Variants in KLRG1 observed in about 807,000 individuals in gnomAD.
KLRG1 encodes killer cell lectin like receptor G1, also known as killer cell lectin-like receptor subfamily G member 1.
In KLRG1, 16 loss-of-function variants were observed where a neutral mutation model predicts 21.8. The ratio of observed to expected loss-of-function variants is 0.73; its 90% CI spans 0.50 to 1.11. KLRG1 has a LOEUF of 1.11. KLRG1 is among the 50% of genes most tolerant of loss of function. The pLI is 0.00. For missense variants in KLRG1, 173 were observed against 218.3 expected (o/e 0.79, Z 1.31); for synonymous variants, 69 against 75.9 (o/e 0.91, Z 0.47).
intron 1 of KLRG1, among the ~76,000 whole-genome samples, chr12:8,962,539 C>G (rs1050030812): frequency 2.0e-5 from 3 of 151,652 alleles, no homozygotes; most frequent in African/African-American, 7.3e-5. Flanking sequence ...CATGGCAAAA[C>G]CCCATCTCTA....
chr12:9,074,674 G>A, the KLRG1 span: 17 of 1,613,902 alleles, frequency 1.1e-5, no homozygotes, highest in Middle Eastern at 1.6e-4. Flanking sequence ...TGAGATAAGC[G>A]AGGAGCACAT....
intron 1 of KLRG1, among the ~76,000 whole-genome samples, chr12:8,957,832 C>G (rs777262185): frequency 1.3e-5 from 2 of 152,236 alleles, no homozygotes; most frequent in African/African-American, 4.8e-5. Flanking sequence ...TCACAGTACT[C>G]AGAACAGCAT....
the KLRG1 span, among the ~76,000 whole-genome samples, chr12:9,188,039 C>T: frequency 2.0e-5 from 3 of 152,360 alleles, no homozygotes; most frequent in African/African-American, 7.2e-5. Context: ...TCTGGCCAAA[C>T]GTCCTTGATG....
chr12:9,202,236 G>T, the KLRG1 span: 1 of 1,259,558 alleles, frequency 7.9e-7, no homozygotes. Context: ...TCATCCTCTC[G>T]CTTTTCTTGT....
chr12:9,131,096 C>T, the KLRG1 span, among the ~76,000 whole-genome samples: 6 of 152,156 alleles, frequency 3.9e-5, no homozygotes, highest in Non-Finnish European at 7.4e-5. Context: ...TGACCATATA[C>T]ACACAGGCTT....
At chr12:9,113,445 G>A in the KLRG1 span, 9 of 1,613,810 alleles carry the variant, frequency 5.6e-6, no homozygotes, top group Admixed American at 1.2e-4. Flanking sequence ...CTCCAAGGAA[G>A]CACTTACAGT....
chr12:9,072,531 A>T, the KLRG1 span: 1 of 1,603,100 alleles, frequency 6.2e-7, no homozygotes, highest in Non-Finnish European at 8.5e-7. Flanking sequence ...CCTTTCCCAG[A>T]ATTCCTGTCC....
At chr12:9,091,516 C>A in the KLRG1 span, 3 of 1,388,132 alleles carry the variant, frequency 2.2e-6, no homozygotes, top group Non-Finnish European at 3.0e-6. Context: ...GATTCTACTG[C>A]CATGACTTAA....
chr12:8,984,542 C>T (rs971740089), intron 1 of KLRG1, among the ~76,000 whole-genome samples: 4 of 152,136 alleles, frequency 2.6e-5, no homozygotes, highest in African/African-American at 4.8e-5. Context: ...TGTGAGCCAC[C>T]GTGCCTGGCC....
At chr12:9,043,220 G>A in the KLRG1 span, among the ~76,000 whole-genome samples, 1 of 151,864 alleles carries the variant, frequency 6.6e-6, no homozygotes, top group Non-Finnish European at 1.5e-5. Context: ...GGGATTACAG[G>A]TGCCCACCAC....
the KLRG1 span, chr12:9,115,738 C>G: frequency 6.3e-7 from 1 of 1,575,720 alleles, no homozygotes; most frequent in Non-Finnish European, 8.7e-7. Flanking sequence ...TAGGTTCATG[C>G]TTCACGCTCT....
the KLRG1 span, among the ~76,000 whole-genome samples, chr12:9,164,446 T>A: frequency 5.3e-5 from 8 of 152,216 alleles, no homozygotes; most frequent in Admixed American, 2.6e-4. Flanking sequence ...ATTGGTTGTG[T>A]ATTAGGAGGA....
chr12:8,987,297 G>A (rs1946858056), upstream of KLRG1: 1 of 152,146 alleles, frequency 6.6e-6, no homozygotes, highest in South Asian at 2.1e-4. Context: ...AGGTTACAAG[G>A]GTGGGGCCCT....
chr12:9,152,173 C>T, the KLRG1 span: 4 of 1,323,762 alleles, frequency 3.0e-6, no homozygotes, highest in South Asian at 1.2e-5. Context: ...TTTGGGGATA[C>T]AGAACATACT....
the KLRG1 span, among the ~76,000 whole-genome samples, chr12:9,032,936 C>A: frequency 6.6e-6 from 1 of 152,156 alleles, no homozygotes; most frequent in Admixed American, 6.6e-5. Flanking sequence ...TCCTTTAAAA[C>A]CCCCAAAACT....
the KLRG1 span, among the ~76,000 whole-genome samples, chr12:9,021,392 A>C: frequency 6.8e-6 from 1 of 147,624 alleles, no homozygotes; most frequent in African/African-American, 2.5e-5. Flanking sequence ...ATTTTTAAAA[A>C]CTTTTTTACT....
At chr12:9,195,611 ATTTTTTTT>A in the KLRG1 span, among the ~76,000 whole-genome samples, 1 of 104,236 alleles carries the variant, frequency 9.6e-6, no homozygotes, top group South Asian at 3.3e-4. Context: ...CCCACTGCTA[ATTTTTTTT>A]TTTTTTTTTT....
intron 1 of KLRG1, among the ~76,000 whole-genome samples, chr12:8,954,358 A>G (rs1336252112): frequency 6.6e-6 from 1 of 152,028 alleles, no homozygotes; most frequent in Non-Finnish European, 1.5e-5. Context: ...CATAAGGACT[A>G]TAGTTAATAT....
the KLRG1 span, chr12:9,094,972 C>T: frequency 6.7e-7 from 1 of 1,494,880 alleles, no homozygotes; most frequent in Non-Finnish European, 9.0e-7. Flanking sequence ...TTTTTGTTTA[C>T]CATAAAAACC....
Sources: allele counts gnomAD v4.1 joint callset (sites outside exome capture counted in the v4.1 genomes callset), GRCh38; gene constraint gnomAD v4.1.1; transcripts MANE v1.5; gene names NCBI Gene and HGNC (gene_info 2026-07-23, HGNC 2026-07-21).